LOC400499: variants seen among roughly 807,000 people sequenced by gnomAD.
the LOC400499 span, among the ~76,000 whole-genome samples, chr16:11,428,937 G>C: frequency 3.3e-5 from 5 of 152,284 alleles, 1 homozygote; most frequent in East Asian, 9.6e-4. Flanking sequence ...GGAAATGGGA[G>C]GGGGAGGGGG....
chr16:11,520,812 A>T, the LOC400499 span, among the ~76,000 whole-genome samples: 1 of 151,844 alleles, frequency 6.6e-6, no homozygotes, highest in Non-Finnish European at 1.5e-5. Flanking sequence ...CCTTGTTTTG[A>T]AGATTTGTGA....
the LOC400499 span, chr16:11,423,144 C>T: frequency 1.3e-5 from 5 of 399,220 alleles, no homozygotes; most frequent in African/African-American, 1.0e-4. Context: ...CCACTATGTA[C>T]CACAACCATC....
chr16:11,393,467 G>A, the LOC400499 span: 6 of 1,232,302 alleles, frequency 4.9e-6, no homozygotes, highest in Non-Finnish European at 6.1e-6. Flanking sequence ...CCTCTCTGTT[G>A]TCCACGCTTC....
At chr16:11,377,160 A>G in the LOC400499 span, among the ~76,000 whole-genome samples, 1 of 152,178 alleles carries the variant, frequency 6.6e-6, no homozygotes, top group Admixed American at 6.6e-5. Context: ...CTTGACTGTT[A>G]GCATGTAGAA....
the LOC400499 span, chr16:11,508,676 C>T: frequency 7.5e-6 from 3 of 398,814 alleles, no homozygotes; most frequent in Admixed American, 4.4e-5. Flanking sequence ...GGACTCAGGG[C>T]CAAGAAAGAC....
the LOC400499 span, chr16:11,471,408 C>A: frequency 2.7e-6 from 1 of 363,636 alleles, no homozygotes; most frequent in Non-Finnish European, 4.9e-6. Context: ...TCTGGGGTAA[C>A]CAAGGCAGGC....
chr16:11,439,340 G>C, the LOC400499 span: 1 of 395,234 alleles, frequency 2.5e-6, no homozygotes, highest in Non-Finnish European at 4.5e-6. Flanking sequence ...CTACAGGGCT[G>C]TTTGGCTAAG....
the LOC400499 span, among the ~76,000 whole-genome samples, chr16:11,421,189 T>C: frequency 6.6e-6 from 1 of 152,104 alleles, no homozygotes; most frequent in Admixed American, 6.5e-5. Context: ...GTGAGCTCTC[T>C]GTCACTATCC....
chr16:11,476,809 A>T, the LOC400499 span: 6 of 399,142 alleles, frequency 1.5e-5, no homozygotes, highest in South Asian at 1.3e-4. Context: ...GTTCAGATGC[A>T]CCTTAAGGAC....
At chr16:11,385,471 G>C in the LOC400499 span, 12 of 1,172,482 alleles carry the variant, frequency 1.0e-5, no homozygotes, top group South Asian at 8.6e-5. Flanking sequence ...ACCCACCGCA[G>C]TAGGAGCCCA....
the LOC400499 span, chr16:11,442,460 T>C: frequency 2.0e-5 from 3 of 152,194 alleles, no homozygotes; most frequent in Non-Finnish European, 4.4e-5. Context: ...TGACCTCAAA[T>C]GATCCGCCTG....
At chr16:11,502,270 C>T in the LOC400499 span, 1,282 of 397,406 alleles carry the variant, frequency 3.2e-3, 12 homozygotes, top group African/African-American at 0.024. Flanking sequence ...TAAGCACAAC[C>T]GTGGGGAAAG....
the LOC400499 span, among the ~76,000 whole-genome samples, chr16:11,410,037 C>T: frequency 3.3e-5 from 5 of 152,094 alleles, no homozygotes; most frequent in African/African-American, 4.8e-5. Flanking sequence ...CCAGCTACTC[C>T]AGAGGCTGAG....
chr16:11,381,461 G>C, the LOC400499 span, among the ~76,000 whole-genome samples: 1 of 151,940 alleles, frequency 6.6e-6, no homozygotes, highest in Non-Finnish European at 1.5e-5. Context: ...ATGAGTCCTC[G>C]GTCTGATAGA....
the LOC400499 span, among the ~76,000 whole-genome samples, chr16:11,415,938 T>G: frequency 1.5e-5 from 2 of 133,836 alleles, no homozygotes; most frequent in African/African-American, 3.7e-5. Flanking sequence ...AAATAAAGTG[T>G]TTTTTTTGCT....
chr16:11,508,446 T>C, the LOC400499 span, among the ~76,000 whole-genome samples: 2 of 152,164 alleles, frequency 1.3e-5, no homozygotes, highest in Admixed American at 1.3e-4. Context: ...AAAAGGACTG[T>C]TGTGTGCTCG....
chr16:11,390,821 C>T, the LOC400499 span, among the ~76,000 whole-genome samples: 1 of 152,166 alleles, frequency 6.6e-6, no homozygotes, highest in Non-Finnish European at 1.5e-5. Context: ...CCGTGCCAAG[C>T]AGCACCTGCC....
the LOC400499 span, chr16:11,518,763 A>G: frequency 5.0e-6 from 2 of 396,794 alleles, no homozygotes; most frequent in Non-Finnish European, 8.9e-6. Context: ...TCTCTTTGCT[A>G]CAGAGAGGTC....
the LOC400499 span, chr16:11,396,654 G>T: frequency 4.1e-6 from 5 of 1,231,626 alleles, no homozygotes; most frequent in South Asian, 2.1e-4. Context: ...CCCAGGGTGT[G>T]CTCCCCGACG....
Sources: allele counts gnomAD v4.1 joint callset (sites outside exome capture counted in the v4.1 genomes callset), GRCh38; gene constraint gnomAD v4.1.1; transcripts MANE v1.5.